CTSO: variants seen among roughly 807,000 people sequenced by gnomAD.
CTSO encodes cathepsin O.
A neutral mutation model predicts 42.4 loss-of-function variants in CTSO; 40 were observed. That is an observed-to-expected ratio of 0.94 (90% CI 0.73 to 1.23). The LOEUF (loss-of-function observed/expected upper bound fraction) is 1.23, where lower values mean the gene tolerates loss of function less well. CTSO is among the 50% of genes most tolerant of loss of function. The probability of loss-of-function intolerance (pLI) is 0.00; values close to 1 mark genes in which losing one functional copy is unlikely to be tolerated. For missense variants in CTSO, 441 were observed against 396.0 expected, an observed-to-expected ratio of 1.11 and a Z score of -0.96; for synonymous variants, 156 against 146.2, an observed-to-expected ratio of 1.07 and a Z score of -0.48.
At chr4:155,948,413 G>A (rs977249034) in intron 1 of CTSO, among the ~76,000 whole-genome samples, 6 of 151,870 alleles carry the variant, frequency 4.0e-5, no homozygotes, top group African/African-American at 9.7e-5. Flanking sequence ...ATGTGTACTG[G>A]AGGTGATCAC....
At chr4:155,950,386 A>G (rs1743649574) in intron 1 of CTSO, among the ~76,000 whole-genome samples, 1 of 152,214 alleles carries the variant, frequency 6.6e-6, no homozygotes, top group Non-Finnish European at 1.5e-5. Context: ...CTTTAGACAC[A>G]GTGGAAATTA....
At chr4:155,933,737 C>G (rs1743279394) in intron 5 of CTSO, among the ~76,000 whole-genome samples, 1 of 152,134 alleles carries the variant, frequency 6.6e-6, no homozygotes, top group African/African-American at 2.4e-5. Context: ...AGACTGGCAG[C>G]ATTTTGCCAC....
chr4:155,947,113 G>C lies in CTSO; in HGVS notation c.136-3849C>G, dbSNP rs377599007. Among the ~76,000 whole-genome samples the C allele has an allele frequency of 2.3e-4, 35 of 152,254 alleles. No individual in the cohort carries two copies. In the East Asian group the frequency reaches 6.8e-3, roughly 30 times the overall value. ...CTGACCTCGTGGTCTGCCCGCCTCAGCCTCTCAGAGTGCTGGGATCACAGG... is the reference window on the plus strand; with the variant it reads ...CTGACCTCGTGGTCTGCCCGCCTCACCCTCTCAGAGTGCTGGGATCACAGG... On this transcript the variant is annotated intron_variant, in intron 1 of 7. Transcript: ENST00000433477.
chr4:155,945,917 A>G, intron 1 of CTSO, among the ~76,000 whole-genome samples: 1 of 152,128 alleles, frequency 6.6e-6, no homozygotes, highest in East Asian at 1.9e-4. Flanking sequence ...CACACACACC[A>G]CACCACACCA....
chr4:155,944,391 G>A (rs1743503775), intron 1 of CTSO, among the ~76,000 whole-genome samples: 1 of 152,044 alleles, frequency 6.6e-6, no homozygotes, highest in Non-Finnish European at 1.5e-5. Flanking sequence ...ATATAACCTG[G>A]ATATATAAAT....
At chr4:155,935,718 A>C (rs1743318312) in intron 5 of CTSO, among the ~76,000 whole-genome samples, 1 of 152,174 alleles carries the variant, frequency 6.6e-6, no homozygotes, top group Non-Finnish European at 1.5e-5. Flanking sequence ...AATGAGGGCA[A>C]GGTTTTTGTC....
At chr4:155,944,855 T>C (rs1330123537) in intron 1 of CTSO, among the ~76,000 whole-genome samples, 3 of 151,894 alleles carry the variant, frequency 2.0e-5, no homozygotes, top group African/African-American at 7.3e-5. Context: ...CCAGTCTTCC[T>C]TCCTTTTTTC....
At chr4:155,929,059 C>A (rs979751705) in intron 6 of CTSO, among the ~76,000 whole-genome samples, 1 of 152,212 alleles carries the variant, frequency 6.6e-6, no homozygotes, top group Non-Finnish European at 1.5e-5. Context: ...TGCTTAAAGG[C>A]GTTCTTAAGC....
At chr4:155,946,186 G>A (rs1159510253) in intron 1 of CTSO, among the ~76,000 whole-genome samples, 2 of 152,106 alleles carry the variant, frequency 1.3e-5, no homozygotes, top group Non-Finnish European at 1.5e-5. Context: ...ACATCTACGA[G>A]AGAAACAATA....
intron 5 of CTSO, among the ~76,000 whole-genome samples, chr4:155,934,535 G>T (rs761358926): frequency 1.3e-5 from 2 of 152,202 alleles, no homozygotes; most frequent in Non-Finnish European, 2.9e-5. Context: ...ATGCCAGACC[G>T]TGAAAGCAGC....
intron 1 of CTSO, 95 bp from the exon 2 acceptor site, chr4:155,943,359 G>A (rs999815980): frequency 1.4e-5 from 9 of 649,232 alleles, no homozygotes; most frequent in Admixed American, 5.3e-5. Context: ...CAATTATAAA[G>A]TTAAAGCTTG....
In CTSO at chr4:155,943,142, A is replaced by G; in HGVS notation, c.244+14T>C. On this transcript the variant is annotated intron_variant, in intron 2 of 7. Transcript: ENST00000433477. ...AAATCAGGAAACCACCTAAATAGCA[A>G]CATCGGACTATACCTTTAAACTCTT... 2 of 1,480,898 alleles carry G rather than the reference A, an allele frequency of 1.4e-6. No homozygotes were observed. Among genetic ancestry groups the G allele is most frequent in the Admixed American group, 1.9e-5 (1 of 52,800 alleles). The allele number at this position is 1,480,898 out of a possible 1,614,324, so 91.7% of individuals were successfully genotyped here.
chr4:155,929,864 G>A (rs996954901), intron 5 of CTSO, among the ~76,000 whole-genome samples, 159 bp from the exon 6 acceptor site: 10 of 152,156 alleles, frequency 6.6e-5, no homozygotes, highest in African/African-American at 2.4e-4. Flanking sequence ...TCTATGGCTG[G>A]GATAGGGTTT....
intron 1 of CTSO, among the ~76,000 whole-genome samples, chr4:155,948,465 T>C (rs1743587203): frequency 6.6e-6 from 1 of 152,132 alleles, no homozygotes; most frequent in Admixed American, 6.5e-5. Context: ...TTCTAAGCAG[T>C]GTCTTCCATA....
intron 7 of CTSO, 39 bp from the exon 8 acceptor site, chr4:155,926,109 T>G (rs1230835149): frequency 8.3e-6 from 12 of 1,450,710 alleles, no homozygotes; most frequent in Non-Finnish European, 1.1e-5. Context: ...TATTTCCTCT[T>G]TAGATGCTTT....
chr4:155,936,091 C>G (rs938943895), intron 5 of CTSO, among the ~76,000 whole-genome samples: 1 of 152,022 alleles, frequency 6.6e-6, no homozygotes, highest in Non-Finnish European at 1.5e-5. Context: ...CCCTTATACT[C>G]TCAAGGAAGT....
rs1458978346 is a variant in CTSO at position 155,939,404 on chromosome 4, G to A, written c.519C>T (p.Gly173=). ...ACCAGTTCAAAGCATTGAGAGTAGAGCCTCCATTGCAGCCATAATTATTAT... is the reference window on the plus strand; with the variant it reads ...ACCAGTTCAAAGCATTGAGAGTAGAACCTCCATTGCAGCCATAATTATTAT... The part of the protein sequence containing the change: ...CSYNNYGCNG[G]STLNALNWLN... Residue 173 remains glycine, a synonymous_variant, in exon 4 of 8, where the codon GGC becomes GGT. Transcript: ENST00000433477. 6.2e-7 allele frequency: 1 copy of A among 1,613,976 alleles called. No homozygotes were observed. The highest frequency in any genetic ancestry group is 8.5e-7 in the Non-Finnish European group (1 of 1,179,900).
chr4:155,947,775 T>A (rs1448094260), intron 1 of CTSO, among the ~76,000 whole-genome samples: 2 of 152,020 alleles, frequency 1.3e-5, no homozygotes, highest in African/African-American at 2.4e-5. Flanking sequence ...TCCAACAACC[T>A]CCGTTAGGTA....
chr4:155,931,788 A>AATAACG (rs1743238259), intron 5 of CTSO, among the ~76,000 whole-genome samples: 2 of 151,004 alleles, frequency 1.3e-5, no homozygotes, highest in Non-Finnish European at 3.0e-5. Flanking sequence ...ATTCGTTATT[A>AATAACG]TTATAACGAA....
Sources: allele counts gnomAD v4.1 joint callset (sites outside exome capture counted in the v4.1 genomes callset), GRCh38; gene constraint gnomAD v4.1.1; transcripts MANE v1.5; gene names NCBI Gene and HGNC (gene_info 2026-07-23, HGNC 2026-07-21).